ATP1B3: variants seen among roughly 807,000 people sequenced by gnomAD.
ATP1B3 encodes the protein sodium/potassium-transporting ATPase subunit beta-3.
Under a neutral mutation model 30.2 loss-of-function variants are expected in ATP1B3, and 10 were observed. The ratio of observed to expected loss-of-function variants is 0.33; its 90% CI spans 0.20 to 0.56. ATP1B3 has a LOEUF of 0.56. Ranked by LOEUF, ATP1B3 falls within the 20% of genes least tolerant of loss-of-function variation. The pLI, the probability that ATP1B3 is intolerant of heterozygous loss-of-function variation, is 0.90. For synonymous variants in ATP1B3, 113 were observed against 117.0 expected, an observed-to-expected ratio of 0.97 and a Z score of 0.22; for missense variants, 238 against 336.7, an observed-to-expected ratio of 0.71 and a Z score of 2.29.
At chr3:141,885,795 C>T (rs1933817827) in intron 1 of ATP1B3, among the ~76,000 whole-genome samples, 1 of 151,840 alleles carries the variant, frequency 6.6e-6, no homozygotes, top group Non-Finnish European at 1.5e-5. Flanking sequence ...ACTTGAAGCA[C>T]CAGATGAAGA....
chr3:141,902,059 G>A (rs2107771880), intron 1 of ATP1B3: 2 of 1,106,844 alleles, frequency 1.8e-6, no homozygotes, highest in East Asian at 5.8e-5. Context: ...TGGCCTGTGG[G>A]CTTTCTGTGT....
At chr3:141,924,489 AAAT>A (rs1408587911) in intron 6 of ATP1B3, among the ~76,000 whole-genome samples, 4 of 151,952 alleles carry the variant, frequency 2.6e-5, no homozygotes, top group Non-Finnish European at 2.9e-5. Flanking sequence ...TCTCTACTAA[AAAT>A]AAAAAAATTA....
At chr3:141,922,312 A>G (rs1454895130) in intron 6 of ATP1B3, 3 of 315,624 alleles carry the variant, frequency 9.5e-6, no homozygotes, top group African/African-American at 2.3e-5. Context: ...TTTTCATTAT[A>G]GAGGTAGTAG....
At chr3:141,880,220 A>C (rs1310576011) in intron 1 of ATP1B3, among the ~76,000 whole-genome samples, 1 of 152,236 alleles carries the variant, frequency 6.6e-6, no homozygotes, top group Non-Finnish European at 1.5e-5. Flanking sequence ...GCATTGCCTT[A>C]TTTAAAACAG....
chr3:141,881,388 C>G (rs1933723338), intron 1 of ATP1B3, among the ~76,000 whole-genome samples: 1 of 152,060 alleles, frequency 6.6e-6, no homozygotes, highest in African/African-American at 2.4e-5. Context: ...AATTCTGGAC[C>G]AAAACTGTTA....
chr3:141,883,470 A>G (rs1407012648), intron 1 of ATP1B3, among the ~76,000 whole-genome samples: 1 of 152,190 alleles, frequency 6.6e-6, no homozygotes, highest in East Asian at 1.9e-4. Flanking sequence ...ATGAGCTGTA[A>G]TTGTGCCACT....
chr3:141,906,077 T>C (rs1039597743), intron 2 of ATP1B3, among the ~76,000 whole-genome samples: 1 of 151,804 alleles, frequency 6.6e-6, no homozygotes, highest in Admixed American at 6.6e-5. Flanking sequence ...ATATGTATTA[T>C]ATGTACATGT....
chr3:141,899,470 A>G (rs1401645340), intron 1 of ATP1B3, among the ~76,000 whole-genome samples: 7 of 152,208 alleles, frequency 4.6e-5, no homozygotes, highest in East Asian at 1.9e-4. Context: ...GGTTGAGAGT[A>G]AGATCACAGG....
rs549549363 is a variant in ATP1B3 at position 141,921,069 on chromosome 3, A to C, written c.583-908A>C. On this transcript the variant is annotated intron_variant, in intron 5 of 6. Transcript: ENST00000286371. Reference sequence around the variant, plus strand: ...ATGCTTTCAACCCTGTCTCAAAAAAATTTTTTTATATATATATAAAATTCA... The same window carrying C: ...ATGCTTTCAACCCTGTCTCAAAAAACTTTTTTTATATATATATAAAATTCA... 1.4e-3 allele frequency among the ~76,000 whole-genome samples: 219 copies of C among 152,148 alleles called. 2 individuals are homozygous for C. Among genetic ancestry groups the C allele is most frequent in the African/African-American group, 5.0e-3 (206 of 41,532 alleles).
intron 1 of ATP1B3, among the ~76,000 whole-genome samples, chr3:141,887,143 A>G (rs1933849521): frequency 6.6e-6 from 1 of 152,220 alleles, no homozygotes; most frequent in Non-Finnish European, 1.5e-5. Context: ...TGCTGACCAC[A>G]CGGTGTTTGT....
intron 3 of ATP1B3, among the ~76,000 whole-genome samples, chr3:141,908,505 A>G (rs1222668502): frequency 2.6e-5 from 4 of 152,216 alleles, no homozygotes; most frequent in South Asian, 4.2e-4. Context: ...GTGCTCTAAA[A>G]TCCCAGACCT....
chr3:141,926,469 T>C lies in ATP1B3; in HGVS notation c.*768T>C, dbSNP rs1013282382. 1.3e-5 allele frequency: 2 copies of C among 152,160 alleles called. No homozygotes were observed. The highest frequency in any genetic ancestry group is 4.8e-5 in the African/African-American group (2 of 41,450). 9.4% of individuals were successfully genotyped at this position (152,160 alleles called of 1,614,324 possible). ...GTGAAATATCTTGTTACTGCTTTTA[T>C]TTAGCAGACTGTGGACTGTAATAAA... On this transcript the variant is annotated 3_prime_UTR_variant, in exon 7 of 7. Coordinates refer to ENST00000286371, the MANE Select transcript of ATP1B3 (RefSeq NM_001679.4).
chr3:141,921,177 C>T (rs1436320799), intron 5 of ATP1B3, among the ~76,000 whole-genome samples: 1 of 152,112 alleles, frequency 6.6e-6, no homozygotes, highest in Non-Finnish European at 1.5e-5. Context: ...TGCTACTTCT[C>T]AGTCTGTGTT....
At chr3:141,911,554 G>T (rs1294546055) in intron 3 of ATP1B3, among the ~76,000 whole-genome samples, 1 of 150,748 alleles carries the variant, frequency 6.6e-6, no homozygotes, top group Admixed American at 6.6e-5. Context: ...GAGTACAATG[G>T]CTTGTTCTCA....
chr3:141,916,226 A>G (rs1934459138), intron 5 of ATP1B3: 1 of 541,258 alleles, frequency 1.8e-6, no homozygotes, highest in Non-Finnish European at 3.4e-6. Flanking sequence ...TTGATTTTGC[A>G]CACATTGCCT....
rs1313190748 is a variant in ATP1B3, at chr3:141,925,721, C to G, written c.*20C>G. On this transcript the variant is annotated 3_prime_UTR_variant, in exon 7 of 7. Coordinates refer to ENST00000286371, the MANE Select transcript of ATP1B3 (RefSeq NM_001679.4). ...GCATAGTATGAGTAGGATATCTCCA[C>G]AGAGTAAATGTTGTGTTGTCTGTCT... 2 of 1,601,824 alleles carry G rather than the reference C, an allele frequency of 1.2e-6. No individual in the cohort carries two copies. The highest frequency in any genetic ancestry group is 1.1e-5 in the South Asian group (1 of 88,296).
At chr3:141,920,775 G>C in intron 5 of ATP1B3, among the ~76,000 whole-genome samples, 1 of 152,098 alleles carries the variant, frequency 6.6e-6, no homozygotes, top group Non-Finnish European at 1.5e-5. Context: ...ATGTAGGGTG[G>C]AGTTTGAGTA....
chr3:141,896,862 T>C (rs534023987), intron 1 of ATP1B3, among the ~76,000 whole-genome samples: 4 of 152,308 alleles, frequency 2.6e-5, no homozygotes, highest in African/African-American at 7.2e-5. Flanking sequence ...GTACTTTTCT[T>C]TATGGATTAG....
intron 2 of ATP1B3, among the ~76,000 whole-genome samples, chr3:141,906,219 G>A (rs1049256483): frequency 3.3e-5 from 5 of 149,758 alleles, no homozygotes; most frequent in Admixed American, 1.3e-4. Context: ...TCGCTCTGTC[G>A]CCCAGGCTGG....
Sources: allele counts gnomAD v4.1 joint callset (sites outside exome capture counted in the v4.1 genomes callset), GRCh38; gene constraint gnomAD v4.1.1; transcripts MANE v1.5; gene names NCBI Gene and HGNC (gene_info 2026-07-23, HGNC 2026-07-21).